The following BECN1 variants were observed in gnomAD, a reference collection of about 807,000 sequenced individuals.
BECN1 encodes the protein beclin-1.
A neutral mutation model predicts 60.1 loss-of-function variants in BECN1; 15 were observed. The ratio of observed to expected loss-of-function variants is 0.25; its 90% CI spans 0.17 to 0.38. The LOEUF (loss-of-function observed/expected upper bound fraction) is 0.38, where lower values mean the gene tolerates loss of function less well. Among genes scored for constraint, BECN1 ranks in the 10% least tolerant of loss-of-function variants. The probability of loss-of-function intolerance (pLI) is 1.00; values close to 1 mark genes in which losing one functional copy is unlikely to be tolerated. For synonymous variants in BECN1, 179 were observed against 201.8 expected (o/e 0.89, Z 0.96); for missense variants, 424 against 548.2 (o/e 0.77, Z 2.26).
At chr17:42,815,861 T>C in intron 8 of BECN1, 47 bp downstream of exon 8, 1 of 1,613,114 alleles carries the variant, frequency 6.2e-7, no homozygotes, top group South Asian at 1.1e-5. Context: ...GGTCAACAGC[T>C]AAGGTCTAGA....
chr17:42,823,469 G>A (rs1051310696), intron 2 of BECN1, among the ~76,000 whole-genome samples: 3 of 152,192 alleles, frequency 2.0e-5, no homozygotes, highest in Admixed American at 6.5e-5. Flanking sequence ...GGCCAGGCTG[G>A]TCTCGAACTC....
chr17:42,823,282 C>A (rs1229566598), intron 2 of BECN1, among the ~76,000 whole-genome samples: 1 of 152,124 alleles, frequency 6.6e-6, no homozygotes, highest in East Asian at 1.9e-4. Context: ...TGAGACGGAG[C>A]CTCGCTCTGT....
At position 42,811,652 on chromosome 17, in the gene BECN1, G is replaced by A. The variant is rs551094381; in HGVS notation, c.1184+3C>T. Reference sequence around the variant, plus strand: ...AGTTCACTCAGCATTGCGCTATACTGACCTGTAGGGAAGACAAAAACGTGT... The same window carrying A: ...AGTTCACTCAGCATTGCGCTATACTAACCTGTAGGGAAGACAAAAACGTGT... On this transcript the variant is annotated splice_donor_region_variant and intron_variant, in intron 11 of 11. Coordinates refer to ENST00000590099, the MANE Select transcript of BECN1 (RefSeq NM_001313998.2). 6.2e-7 allele frequency: 1 copy of A among 1,613,648 alleles called. No homozygotes were observed. The highest frequency in any genetic ancestry group is 1.3e-5 in the African/African-American group (1 of 74,984).
At position 42,811,684 on chromosome 17, in the gene BECN1, T is replaced by C. The variant is rs2144146883; in HGVS notation, c.1155A>G (p.Lys385=). 10 of 1,614,150 alleles carry C rather than the reference T, an allele frequency of 6.2e-6. No homozygotes were observed. Among genetic ancestry groups the C allele is most frequent in the Non-Finnish European group, 8.5e-6 (10 of 1,180,008 alleles). ...CVQQFKEEVE[K]GETRFCLPYR... Reference sequence around the variant, plus strand: ...AGGGAAGACAAAAACGTGTCTCGCCTTTCTCAACCTCTTCTTTGAACTGCT... The same window carrying C: ...AGGGAAGACAAAAACGTGTCTCGCCCTTCTCAACCTCTTCTTTGAACTGCT... Residue 385 remains lysine, a synonymous_variant, in exon 11 of 12, where the codon AAA becomes AAG. Transcript: ENST00000590099.
At position 42,824,204 on chromosome 17, in the gene BECN1, TGTGGCCTCGGGTCGGCCCCGGAGC is replaced by T; in HGVS notation, c.-76_-53del. On this transcript the variant is annotated 5_prime_UTR_variant, in exon 1 of 12. Transcript: ENST00000590099. ...CAAGTCCGGTCTACCGCGGAGGCAC[TGTGGCCTCGGGTCGGCCCCGGAGC>T]GAGGCCTCCAGAACTACCATCGCTC... 2.4e-6 allele frequency: 1 copy of T among 417,598 alleles called. No homozygotes were observed. The highest frequency in any genetic ancestry group is 4.3e-5 in the Admixed American group (1 of 23,460). The allele number at this position is 417,598 out of a possible 1,614,324, so 25.9% of individuals were successfully genotyped here.
intron 11 of BECN1, chr17:42,811,163 C>A: frequency 2.5e-6 from 1 of 405,968 alleles, no homozygotes; most frequent in Non-Finnish European, 4.3e-6. Context: ...AGAAGAGAAG[C>A]CTGGAGTAGG....
chr17:42,820,380 C>T (rs897541513), intron 3 of BECN1: 2 of 190,258 alleles, frequency 1.1e-5, no homozygotes, highest in African/African-American at 4.6e-5. Flanking sequence ...CTGTCCTAAC[C>T]AGGATGCTTT....
intron 10 of BECN1, 88 bp from the exon 11 acceptor site, chr17:42,811,885 T>C (rs2055016700): frequency 1.3e-6 from 2 of 1,490,092 alleles, no homozygotes; most frequent in Non-Finnish European, 1.8e-6. Context: ...TCTCAAGTCA[T>C]GTTCTGTCTG....
In BECN1 at chr17:42,811,648, T is replaced by A; in HGVS notation, c.1184+7A>T. ...TACAAGTTCACTCAGCATTGCGCTA[T>A]ACTGACCTGTAGGGAAGACAAAAAC... On this transcript the variant is annotated splice_region_variant and intron_variant, in intron 11 of 11. Coordinates refer to ENST00000590099, the MANE Select transcript of BECN1 (RefSeq NM_001313998.2). 1 of 1,613,558 alleles carries A rather than the reference T, an allele frequency of 6.2e-7. No homozygotes were observed. Among genetic ancestry groups the A allele is most frequent in the South Asian group, 1.1e-5 (1 of 91,000 alleles).
At position 42,819,562 on chromosome 17, in the gene BECN1, G is replaced by GA; in HGVS notation, c.245dup (p.Ile83HisfsTer23). The GA allele has an allele frequency of 6.2e-7, 1 of 1,613,566 alleles. No individual in the cohort carries two copies. Among genetic ancestry groups the GA allele is most frequent in the Non-Finnish European group, 8.5e-7 (1 of 1,179,858 alleles). On this transcript the variant is annotated frameshift_variant, in exon 4 of 12. Coordinates refer to ENST00000590099, the MANE Select transcript of BECN1 (RefSeq NM_001313998.2). LOFTEE classifies it high-confidence loss of function. ...GTAGTAGGCACCTGGCTGGGGGGAT[G>GA]AATCTGCGAGAGACACCATCCTGGC...
At position 42,816,000 on chromosome 17, in the gene BECN1, C is replaced by T. The variant is rs2055137335; in HGVS notation, c.738G>A (p.Glu246=). Residue 246 remains glutamate (E), a synonymous_variant, in exon 8 of 12, where the codon GAG becomes GAA. Transcript: ENST00000590099. ...GCATCTGGTTTTCAACACTCTTCAG[C>T]TCATCATCCAGCTCCAGCTGCTGTC... ...FKRQQLELDD[E]LKSVENQMRY... The T allele has an allele frequency of 6.2e-7, 1 of 1,612,992 alleles. No individual in the cohort carries two copies. The highest frequency in any genetic ancestry group is 1.7e-5 in the Admixed American group (1 of 59,858).
Position 42,823,765 on chromosome 17 carries a change from G to T in BECN1, c.113C>A (p.Thr38Asn). The change falls in exon 2 of 12, where the codon ACC becomes AAC. Residue 38 changes from threonine (T) to asparagine (N), a missense_variant. Physicochemically the swap from Thr to Asn is moderately conservative, Grantham distance 65 (BLOSUM62 0). Transcript: ENST00000590099. ...TCGCTGACCTGTGAGTTCCTGGATG[G>T]TGACACGGTCCAGGATCTTGAAACT... ...DTSFKILDRV[T>N]IQELTAPLLT... is the part of the protein sequence containing the mutation. The T allele has an allele frequency of 6.2e-7, 1 of 1,614,008 alleles. No individual in the cohort carries two copies. The highest frequency in any genetic ancestry group is 8.5e-7 in the Non-Finnish European group (1 of 1,179,906).
At position 42,810,820 on chromosome 17, in the gene BECN1, G is replaced by A. The variant is rs771146233; in HGVS notation, c.1293C>T (p.Phe431=). 1.9e-6 allele frequency: 3 copies of A among 1,613,474 alleles called. No homozygotes were observed. Among genetic ancestry groups the A allele is most frequent in the South Asian group, 1.1e-5 (1 of 90,896 alleles). ...GACCCCACTTAAGATTCGTCAGCAT[G>A]AACTTGAGAGCTTTTGTCCACTGCT... ...SEEQWTKALK[F]MLTNLKWGLA... The change falls in exon 12 of 12, where the codon TTC becomes TTT. Residue 431 remains phenylalanine (F), a synonymous_variant. Transcript: ENST00000590099.
chr17:42,822,430 T>C (rs747497765), intron 2 of BECN1, among the ~76,000 whole-genome samples: 97 of 152,342 alleles, frequency 6.4e-4, no homozygotes, highest in Non-Finnish European at 1.2e-3. Flanking sequence ...GTTGTTCAGC[T>C]AGTAAATGAC....
chr17:42,823,991 C>T (rs764909248), intron 1 of BECN1, 112 bp from the exon 2 acceptor site: 4 of 1,361,358 alleles, frequency 2.9e-6, no homozygotes, highest in East Asian at 2.5e-5. Flanking sequence ...TCCCAACCTG[C>T]GCCGTTCCCT....
chr17:42,819,464 C>T, intron 4 of BECN1, 84 bp downstream of exon 4: 1 of 1,462,384 alleles, frequency 6.8e-7, no homozygotes, highest in Non-Finnish European at 9.4e-7. Flanking sequence ...ATCTCTATCA[C>T]CTGGCTCCAG....
intron 10 of BECN1, among the ~76,000 whole-genome samples, chr17:42,813,275 C>T (rs1357189349): frequency 1.3e-5 from 2 of 151,920 alleles, no homozygotes; most frequent in Non-Finnish European, 2.9e-5. Flanking sequence ...TGGCTCATGC[C>T]TGTAATCCTA....
At position 42,819,609 on chromosome 17, in the gene BECN1, C is replaced by T; in HGVS notation, c.199G>A (p.Glu67Lys). The change falls in exon 4 of 12, where the codon GAG (glutamate) becomes AAG (lysine). Residue 67 changes from glutamate to lysine, a missense_variant and splice_region_variant. Glu to Lys is a moderately conservative substitution (Grantham distance 56). This residue lies in a region of BECN1 where 96 missense variants were observed against 125.6 expected (regional missense o/e 0.76). Transcript: ENST00000590099. ...TGGCGAGGAGTTTCAATAAATGGCT[C>T]CTGGGAAAGAAATAAGAGGGCATTA... ...TQEEETNSGE[E>K]PFIETPRQDG... 6.2e-6 allele frequency: 10 copies of T among 1,613,222 alleles called. No homozygotes were observed. The highest frequency in any genetic ancestry group is 8.5e-6 in the Non-Finnish European group (10 of 1,179,820).
chr17:42,819,912 G>A (rs935477694), intron 3 of BECN1, among the ~76,000 whole-genome samples: 2 of 152,142 alleles, frequency 1.3e-5, no homozygotes, highest in African/African-American at 4.8e-5. Flanking sequence ...GTCAGGGGCA[G>A]AGGACAGAAT....
Sources: gnomAD v4.1 joint callset for allele counts (sites outside exome capture counted in the v4.1 genomes callset) on GRCh38, gnomAD v4.1.1 for gene constraint, gnomAD v4.1.1 regional missense constraint, MANE v1.5 for transcripts, NCBI Gene and HGNC (gene_info 2026-07-23, HGNC 2026-07-21) for gene names.